The following PNPLA3 variants were observed in gnomAD, a reference collection of about 807,000 sequenced individuals.
PNPLA3 encodes the protein 1-acylglycerol-3-phosphate O-acyltransferase PNPLA3.
In PNPLA3, 42 loss-of-function variants were observed where a neutral mutation model predicts 43.1. That is an observed-to-expected ratio of 0.97 (90% CI 0.76 to 1.26). The LOEUF is 1.26. PNPLA3 is among the 50% of genes most tolerant of loss of function. The probability of loss-of-function intolerance (pLI) is 0.00; values close to 1 mark genes in which losing one functional copy is unlikely to be tolerated. For missense variants in PNPLA3, 647 were observed against 621.4 expected, an observed-to-expected ratio of 1.04 and a Z score of -0.44; for synonymous variants, 272 against 253.6, an observed-to-expected ratio of 1.07 and a Z score of -0.69.
chr22:43,938,648 A>G (rs1188565954), intron 6 of PNPLA3, among the ~76,000 whole-genome samples: 1 of 152,240 alleles, frequency 6.6e-6, no homozygotes, highest in Non-Finnish European at 1.5e-5. Flanking sequence ...ATCCGCCCCC[A>G]TGATCCAATC....
intron 7 of PNPLA3, among the ~76,000 whole-genome samples, chr22:43,942,724 A>G (rs2050039485): frequency 1.1e-5 from 1 of 91,610 alleles, no homozygotes; most frequent in African/African-American, 4.1e-5. Flanking sequence ...TTTTTTTGAG[A>G]CAGGGTCTTA....
chr22:43,944,422 C>G (rs1159043914), intron 7 of PNPLA3, among the ~76,000 whole-genome samples: 1 of 152,200 alleles, frequency 6.6e-6, no homozygotes, highest in Non-Finnish European at 1.5e-5. Context: ...AGCTCCTCTC[C>G]AAGCTGGGAA....
At chr22:43,928,913 G>A (rs777321444) in intron 3 of PNPLA3, 24 bp downstream of exon 3, 28 of 1,592,176 alleles carry the variant, frequency 1.8e-5, no homozygotes, top group South Asian at 7.7e-5. Context: ...CTCTGCTAGC[G>A]CTGAGTCCTG....
intron 7 of PNPLA3, among the ~76,000 whole-genome samples, chr22:43,940,797 G>T (rs915248150): frequency 1.3e-5 from 2 of 151,322 alleles, no homozygotes; most frequent in African/African-American, 4.9e-5. Flanking sequence ...TGACAGGAGA[G>T]AAACCCTATC....
intron 6 of PNPLA3, among the ~76,000 whole-genome samples, chr22:43,937,806 G>A (rs1166128541): frequency 2.0e-5 from 3 of 152,110 alleles, no homozygotes; most frequent in African/African-American, 4.8e-5. Context: ...CCATCGAATG[G>A]TGCTGTATTT....
At chr22:43,933,721 G>A (rs376994829) in intron 4 of PNPLA3, among the ~76,000 whole-genome samples, 1 of 152,170 alleles carries the variant, frequency 6.6e-6, no homozygotes, top group Non-Finnish European at 1.5e-5. Context: ...AACTGCGTTC[G>A]GTAGTTTAAC....
At chr22:43,944,889 C>A in intron 8 of PNPLA3, 94 bp downstream of exon 8, 1 of 1,118,554 alleles carries the variant, frequency 8.9e-7, no homozygotes. Context: ...TGGCTGAACA[C>A]CAAGCAAGGA....
At chr22:43,927,855 C>T (rs1318262245) in intron 2 of PNPLA3, among the ~76,000 whole-genome samples, 3 of 152,206 alleles carry the variant, frequency 2.0e-5, no homozygotes, top group Non-Finnish European at 2.9e-5. Context: ...GTAATCTGCC[C>T]ACCTCTGCCT....
intron 1 of PNPLA3, among the ~76,000 whole-genome samples, chr22:43,924,579 A>G (rs1045862724): frequency 2.6e-5 from 4 of 151,872 alleles, no homozygotes; most frequent in African/African-American, 9.7e-5. Context: ...CCGGTCCCCC[A>G]CGGTGGGCTC....
intron 5 of PNPLA3, among the ~76,000 whole-genome samples, chr22:43,935,704 G>C (rs2049991042): frequency 6.6e-6 from 1 of 152,016 alleles, no homozygotes; most frequent in Non-Finnish European, 1.5e-5. Context: ...GGAAGTGTGG[G>C]GGTGGGGACA....
chr22:43,930,701 G>C (rs1036741610), intron 3 of PNPLA3, among the ~76,000 whole-genome samples: 2 of 152,192 alleles, frequency 1.3e-5, no homozygotes, highest in Admixed American at 6.5e-5. Flanking sequence ...TATGTGCATT[G>C]GCTGATTTCT....
rs1426390249 is a variant in PNPLA3, at chr22:43,946,232, C to T, written c.1296C>T (p.Ser432=). 6.2e-7 allele frequency: 1 copy of T among 1,614,058 alleles called. No homozygotes were observed. The highest frequency in any genetic ancestry group is 2.2e-5 in the East Asian group (1 of 44,872). The change falls in exon 9 of 9, where the codon TCC becomes TCT. Residue 432 remains serine (S), a synonymous_variant. Coordinates refer to ENST00000216180, the MANE Select transcript of PNPLA3 (RefSeq NM_025225.3). ...ACTGGCCCTGCTGGACTCCCTGCTC[C>T]CCCAAGGGCTGTCCAGCAGAGACCA... ...EQDWPCWTPC[S]PKGCPAETKA... is the part of the protein sequence containing the mutation.
chr22:43,934,804 C>A (rs59312329), intron 5 of PNPLA3, 138 bp downstream of exon 5: 2 of 786,476 alleles, frequency 2.5e-6, no homozygotes, highest in South Asian at 1.6e-5. Flanking sequence ...TACTCATGAG[C>A]CCAGGAGATA....
intron 1 of PNPLA3, among the ~76,000 whole-genome samples, chr22:43,924,516 T>G (rs1305345552): frequency 6.6e-6 from 1 of 152,136 alleles, no homozygotes; most frequent in Non-Finnish European, 1.5e-5. Context: ...CTGGACGGGC[T>G]GAGCTGCCGA....
In PNPLA3 at chr22:43,926,608, A is replaced by G. The variant is rs564203525; in HGVS notation, c.188-327A>G. Among the ~76,000 whole-genome samples the G allele has an allele frequency of 2.6e-5, 4 of 152,370 alleles. No individual in the cohort carries two copies. The South Asian group carries it at 8.3e-4, about 32-fold the overall frequency. Reference sequence around the variant, plus strand: ...TGTCATTGTGCATTTTCTAGAAGCCACATTGAATAAAGTAAAAGACACAGG... The same window carrying G: ...TGTCATTGTGCATTTTCTAGAAGCCGCATTGAATAAAGTAAAAGACACAGG... On this transcript the variant is annotated intron_variant, in intron 1 of 8. Transcript: ENST00000216180.
intron 5 of PNPLA3, among the ~76,000 whole-genome samples, chr22:43,935,784 T>C (rs547856078): frequency 6.6e-6 from 1 of 151,750 alleles, no homozygotes; most frequent in East Asian, 2.0e-4. Context: ...GCTGGGCCTT[T>C]TGGATACAGG....
rs553492287 is a variant in PNPLA3, at chr22:43,947,419, C to T, written c.*1037C>T. 2 of 156,704 alleles carry T rather than the reference C, an allele frequency of 1.3e-5. No homozygotes were observed. Among genetic ancestry groups the T allele is most frequent in the Non-Finnish European group, 2.8e-5 (2 of 71,186 alleles). 9.7% of individuals were successfully genotyped at this position (156,704 alleles called of 1,614,324 possible). On this transcript the variant is annotated 3_prime_UTR_variant, in exon 9 of 9. Transcript: ENST00000216180. Reference sequence around the variant, plus strand: ...TGTGCAGGGCATTCACCTCAGCCCCCCAGGCAGGAGCCAAGCACAGCAGGA... The same window carrying T: ...TGTGCAGGGCATTCACCTCAGCCCCTCAGGCAGGAGCCAAGCACAGCAGGA...
intron 7 of PNPLA3, among the ~76,000 whole-genome samples, chr22:43,941,148 C>CAAA (rs577344067): frequency 0.15 from 11,748 of 79,586 alleles, 1,080 homozygotes; most frequent in East Asian, 0.32. Context: ...AACTCCGACT[C>CAAA]AAAAAAAAAA....
At chr22:43,930,143 C>T (rs1008468540) in intron 3 of PNPLA3, among the ~76,000 whole-genome samples, 3 of 152,180 alleles carry the variant, frequency 2.0e-5, no homozygotes, top group African/African-American at 7.2e-5. Flanking sequence ...TTACAGACTA[C>T]GTGCTCCTGT....
Sources: gnomAD v4.1 joint callset for allele counts (sites outside exome capture counted in the v4.1 genomes callset) on GRCh38, gnomAD v4.1.1 for gene constraint, MANE v1.5 for transcripts, NCBI Gene and HGNC (gene_info 2026-07-23, HGNC 2026-07-21) for gene names.